Variants in CYTH3 observed in about 807,000 individuals in gnomAD.
CYTH3 encodes cytohesin 3.
Under a neutral mutation model 55.1 loss-of-function variants are expected in CYTH3, and 23 were observed. The ratio of observed to expected loss-of-function variants is 0.42; its 90% CI spans 0.30 to 0.59. The LOEUF (loss-of-function observed/expected upper bound fraction) is 0.59, where lower values mean the gene tolerates loss of function less well. Among genes scored for constraint, CYTH3 ranks in the 20% least tolerant of loss-of-function variants. The probability of loss-of-function intolerance (pLI) is 0.20; values close to 1 mark genes in which losing one functional copy is unlikely to be tolerated. For synonymous variants in CYTH3, 249 were observed against 194.9 expected (o/e 1.28, Z -2.31); for missense variants, 413 against 524.8 (o/e 0.79, Z 2.08).
At chr7:6,235,302 C>T (rs1279387205) in intron 1 of CYTH3, among the ~76,000 whole-genome samples, 1 of 151,962 alleles carries the variant, frequency 6.6e-6, no homozygotes, top group African/African-American at 2.4e-5. Context: ...GTGGTGAAAC[C>T]GATGTCTCTA....
intron 1 of CYTH3, among the ~76,000 whole-genome samples, chr7:6,263,723 G>A (rs1317639651): frequency 6.6e-6 from 1 of 151,544 alleles, no homozygotes; most frequent in Non-Finnish European, 1.5e-5. Flanking sequence ...GCTTGAACCT[G>A]GGAGGTAGAG....
chr7:6,214,516 C>T (rs990779127), intron 1 of CYTH3, among the ~76,000 whole-genome samples: 1 of 152,078 alleles, frequency 6.6e-6, no homozygotes, highest in Admixed American at 6.6e-5. Flanking sequence ...CAAAACCATA[C>T]AAACTGGTGC....
intron 1 of CYTH3, among the ~76,000 whole-genome samples, chr7:6,239,436 G>T (rs549794130): frequency 6.6e-6 from 1 of 152,258 alleles, no homozygotes; most frequent in Admixed American, 6.5e-5. Flanking sequence ...TTGATGTCTA[G>T]CCCTACTATC....
chr7:6,188,758 GTAGT>G (rs1783723242), intron 2 of CYTH3: 1 of 152,172 alleles, frequency 6.6e-6, no homozygotes, highest in South Asian at 2.1e-4. Context: ...ATAAAATGAA[GTAGT>G]TAGAGCTAGA....
chr7:6,198,128 A>G (rs1387255607), intron 1 of CYTH3, among the ~76,000 whole-genome samples: 1 of 137,238 alleles, frequency 7.3e-6, no homozygotes, highest in African/African-American at 2.5e-5. Flanking sequence ...AAAAACTTTC[A>G]GGTATTAAGT....
Position 6,186,416 on chromosome 7 carries a change from T to G in CYTH3, c.249+634A>C, listed in dbSNP as rs183343670. Among the ~76,000 whole-genome samples, 308 of 152,254 alleles carry G rather than the reference T, an allele frequency of 2.0e-3. 1 individual carries two copies. Among genetic ancestry groups the G allele is most frequent in the Admixed American group, 3.7e-3 (57 of 15,292 alleles). On this transcript the variant is annotated intron_variant, in intron 4 of 12. Transcript: ENST00000350796. ...ATGTCCCCCAAAAAGCTTCACAGAT[T>G]CTGCCAAATCCCTTAGCTCGGTCTC... is the stretch of plus-strand genomic sequence containing the variant.
Position 6,171,451 on chromosome 7 carries a change from CAG to C in CYTH3, c.450-139_450-138del. On this transcript the variant is annotated intron_variant, in intron 6 of 12. Coordinates refer to ENST00000350796, the MANE Select transcript of CYTH3 (RefSeq NM_004227.4). This position sits in a 1 kb window ranked among gnomAD's most constrained non-coding sequence, Gnocchi z 6.7. Reference sequence around the variant, plus strand: ...CAGCTCTGGCAGGGGCTTGGGGGCGCAGAGACAGAAAGGAGAAGACCCAGGAC... The same window carrying C: ...CAGCTCTGGCAGGGGCTTGGGGGCGCAGACAGAAAGGAGAAGACCCAGGAC... The C allele has an allele frequency of 2.9e-6, 2 of 686,910 alleles. No homozygotes were observed. 42.6% of individuals were successfully genotyped at this position (686,910 alleles called of 1,614,324 possible).
rs1310400172 is a variant in CYTH3, at chr7:6,162,620, A to G, written c.*2324T>C. Reference sequence around the variant, plus strand: ...GCCTTCATGCTAATACTGTCCTAACACAGCCTGGAGCTAGGCGATTTCCTT... The same window carrying G: ...GCCTTCATGCTAATACTGTCCTAACGCAGCCTGGAGCTAGGCGATTTCCTT... On this transcript the variant is annotated 3_prime_UTR_variant, in exon 13 of 13. Coordinates refer to ENST00000350796, the MANE Select transcript of CYTH3 (RefSeq NM_004227.4). 5 of 152,228 alleles carry G rather than the reference A, an allele frequency of 3.3e-5. No individual in the cohort carries two copies. The highest frequency in any genetic ancestry group is 2.1e-4 in the South Asian group (1 of 4,826). The allele number at this position is 152,228 out of a possible 1,614,324, so 9.4% of individuals were successfully genotyped here. A position where few individuals can be genotyped will look rare whatever the true frequency, so the allele number is the denominator to read the frequency against.
chr7:6,270,135 A>T (rs1216085063), intron 1 of CYTH3, among the ~76,000 whole-genome samples: 1 of 152,246 alleles, frequency 6.6e-6, no homozygotes, highest in East Asian at 1.9e-4. Flanking sequence ...AACTGTAAAG[A>T]GGTATGTTAA....
intron 1 of CYTH3, among the ~76,000 whole-genome samples, chr7:6,266,941 A>C (rs559441740): frequency 6.6e-6 from 1 of 152,354 alleles, no homozygotes; most frequent in African/African-American, 2.4e-5. Flanking sequence ...TCTCATGTTG[A>C]ACTGTAATCC....
Position 6,245,709 on chromosome 7 carries a change from A to G in CYTH3, c.34+26765T>C, listed in dbSNP as rs760523371. ...CACCTGAGATCAGGACTTGGAGACC[A>G]GCCTGACCAACATGGTGAAACCCCG... On this transcript the variant is annotated intron_variant, in intron 1 of 12. Coordinates refer to ENST00000350796, the MANE Select transcript of CYTH3 (RefSeq NM_004227.4). 3.9e-5 allele frequency among the ~76,000 whole-genome samples: 6 copies of G among 152,358 alleles called. No individual in the cohort carries two copies. In the South Asian group the frequency reaches 8.3e-4, roughly 21 times the overall value.
intron 1 of CYTH3, among the ~76,000 whole-genome samples, chr7:6,205,352 C>T (rs145897679): frequency 2.0e-5 from 3 of 152,250 alleles, no homozygotes; most frequent in Middle Eastern, 6.8e-3. Flanking sequence ...GTGGGCAGAT[C>T]ACCTGAGGTC....
At chr7:6,234,063 G>A (rs79887941) in intron 1 of CYTH3, among the ~76,000 whole-genome samples, 39 of 152,316 alleles carry the variant, frequency 2.6e-4, no homozygotes, top group African/African-American at 9.4e-4. Flanking sequence ...ACCTCAGGGC[G>A]AGGATTTTAA....
chr7:6,206,522 A>C (rs933910503), intron 1 of CYTH3, among the ~76,000 whole-genome samples: 1 of 152,254 alleles, frequency 6.6e-6, no homozygotes, highest in Admixed American at 6.5e-5. Flanking sequence ...GGCTATTTCA[A>C]TTTAGGCAGT....
chr7:6,177,205 C>T (rs1345213299), intron 5 of CYTH3, among the ~76,000 whole-genome samples: 2 of 152,194 alleles, frequency 1.3e-5, no homozygotes, highest in African/African-American at 4.8e-5. Context: ...CCACTTTCCA[C>T]TTTCGATCAA....
At chr7:6,223,836 T>TAAAAAA (rs58813864) in intron 1 of CYTH3, among the ~76,000 whole-genome samples, 7 of 24,314 alleles carry the variant, frequency 2.9e-4, no homozygotes, top group East Asian at 1.2e-3. Flanking sequence ...CAATAAATAC[T>TAAAAAA]AAAAAAAAAA....
intron 1 of CYTH3, among the ~76,000 whole-genome samples, chr7:6,209,397 C>A (rs981256412): frequency 6.6e-6 from 1 of 152,138 alleles, no homozygotes; most frequent in African/African-American, 2.4e-5. Flanking sequence ...GACTTTCTAC[C>A]CTAGCTAACT....
chr7:6,269,379 T>A (rs952680743), intron 1 of CYTH3, among the ~76,000 whole-genome samples: 9 of 152,220 alleles, frequency 5.9e-5, no homozygotes, highest in Non-Finnish European at 8.8e-5. Context: ...TTTGCATGTA[T>A]TTTATTATGA....
chr7:6,187,231 G>T, intron 3 of CYTH3, 115 bp from the exon 4 acceptor site: 1 of 1,152,924 alleles, frequency 8.7e-7, no homozygotes. Flanking sequence ...CGAAGCACAG[G>T]CCCTCACGGA....
Sources: allele counts gnomAD v4.1 joint callset (sites outside exome capture counted in the v4.1 genomes callset), GRCh38; gene constraint gnomAD v4.1.1; non-coding constraint Gnocchi (gnomAD v3.1); transcripts MANE v1.5; gene names NCBI Gene and HGNC (gene_info 2026-07-23, HGNC 2026-07-21).